MCHR2: variants seen among roughly 807,000 people sequenced by gnomAD.
MCHR2 encodes melanin concentrating hormone receptor 2, also known as melanin-concentrating hormone receptor 2.
In MCHR2, 15 loss-of-function variants were observed where a neutral mutation model predicts 24.8. That is an observed-to-expected ratio of 0.60 (90% CI 0.40 to 0.93). MCHR2 has a LOEUF of 0.93. Ranked by LOEUF, MCHR2 falls within the 40% of genes least tolerant of loss-of-function variation. The probability of loss-of-function intolerance (pLI) is 0.00; values close to 1 mark genes in which losing one functional copy is unlikely to be tolerated. For missense variants in MCHR2, 386 were observed against 408.7 expected (o/e 0.94, Z 0.48); for synonymous variants, 151 against 147.6 (o/e 1.02, Z -0.17).
At position 99,921,229 on chromosome 6, in the gene MCHR2, C is replaced by G. The variant is rs1774222347; in HGVS notation, c.734G>C (p.Arg245Thr). The G allele has an allele frequency of 6.2e-7, 1 of 1,613,902 alleles. No individual in the cohort carries two copies. The highest frequency in any genetic ancestry group is 1.3e-5 in the African/African-American group (1 of 75,028). ...RCCNPSVPKQ[R>T]VMKLTKMVLV... ...CACCATCTTTGTCAACTTCATCACT[C>G]TCTGTTTTGGTACACTGGGATTGCA... The change falls in exon 6 of 6, where the codon AGA (arginine) becomes ACA (threonine). Residue 245 changes from arginine (R) to threonine (T), a missense_variant. By Grantham distance (71) the Arg-to-Thr change is moderately conservative. Coordinates refer to ENST00000281806, the MANE Select transcript of MCHR2 (RefSeq NM_001040179.2).
rs1171948816 is a variant in MCHR2, at chr6:99,991,853, G to A, written c.-28+2083C>T. 8.0e-5 allele frequency among the ~76,000 whole-genome samples: 12 copies of A among 150,822 alleles called. No homozygotes were observed. The East Asian group carries it at 2.0e-3, about 25-fold the overall frequency. ...AAAAGAAAAAAGAAATGAGGCATGC[G>A]AACATTGCCTAAAACAGAGCAGGCT... On this transcript the variant is annotated intron_variant, in intron 1 of 5. Coordinates refer to ENST00000281806, the MANE Select transcript of MCHR2 (RefSeq NM_001040179.2).
intron 1 of MCHR2, among the ~76,000 whole-genome samples, chr6:99,986,220 A>T (rs780821065): frequency 6.6e-6 from 1 of 152,188 alleles, no homozygotes; most frequent in African/African-American, 2.4e-5. Context: ...TTACATTGTT[A>T]GTGGAAATGT....
intron 1 of MCHR2, among the ~76,000 whole-genome samples, chr6:99,993,024 A>T (rs1010077651): frequency 6.6e-6 from 1 of 152,078 alleles, no homozygotes; most frequent in African/African-American, 2.4e-5. Flanking sequence ...TTGCCTCCCC[A>T]TTTGCGCTGA....
chr6:99,950,600 AAATACT>A (rs1461043187), intron 2 of MCHR2, among the ~76,000 whole-genome samples: 1 of 152,154 alleles, frequency 6.6e-6, no homozygotes, highest in Non-Finnish European at 1.5e-5. Flanking sequence ...TCAGATGAGA[AAATACT>A]AATACTATTA....
chr6:99,941,439 A>G (rs546679364), intron 4 of MCHR2, among the ~76,000 whole-genome samples: 1 of 152,196 alleles, frequency 6.6e-6, no homozygotes, highest in East Asian at 1.9e-4. Flanking sequence ...CTGGAAGTGC[A>G]GTCCTATCTA....
chr6:99,992,143 G>A (rs1562139112), intron 1 of MCHR2, among the ~76,000 whole-genome samples: 1 of 152,300 alleles, frequency 6.6e-6, no homozygotes, highest in East Asian at 1.9e-4. Context: ...GAGGCATCCC[G>A]GCATCTTCAG....
intron 4 of MCHR2, among the ~76,000 whole-genome samples, chr6:99,936,396 C>T (rs1774661467): frequency 6.6e-6 from 1 of 151,830 alleles, no homozygotes; most frequent in Non-Finnish European, 1.5e-5. Flanking sequence ...AGGTATGGGT[C>T]TAGTTTCATT....
chr6:99,962,445 T>C (rs1012211823), intron 1 of MCHR2, among the ~76,000 whole-genome samples: 1 of 152,154 alleles, frequency 6.6e-6, no homozygotes, highest in African/African-American at 2.4e-5. Context: ...AAGGAAGGAC[T>C]AGCGTATGGT....
intron 1 of MCHR2, among the ~76,000 whole-genome samples, chr6:99,981,465 A>G (rs4840109): frequency 0.58 from 88,540 of 151,878 alleles, 25,939 homozygotes; most frequent in Non-Finnish European, 0.59. Flanking sequence ...TCTCTGTGGG[A>G]ATCTGGCCAA....
chr6:99,964,678 TA>T (rs1009964070), intron 1 of MCHR2, among the ~76,000 whole-genome samples: 5 of 152,052 alleles, frequency 3.3e-5, no homozygotes, highest in African/African-American at 1.2e-4. Flanking sequence ...ACATGGGGAT[TA>T]TGGAGATTAC....
chr6:99,988,575 A>C (rs921334824), intron 1 of MCHR2, among the ~76,000 whole-genome samples: 2 of 152,124 alleles, frequency 1.3e-5, no homozygotes, highest in Non-Finnish European at 2.9e-5. Flanking sequence ...AATAATCTCA[A>C]TTCATCCCCC....
intron 1 of MCHR2, among the ~76,000 whole-genome samples, chr6:99,978,620 G>A (rs1451368642): frequency 2.0e-5 from 3 of 151,858 alleles, no homozygotes; most frequent in African/African-American, 4.8e-5. Context: ...GGGTTTCACC[G>A]TGTTAGCCAG....
intron 1 of MCHR2, among the ~76,000 whole-genome samples, chr6:99,985,228 G>C (rs568320441): frequency 7.4e-6 from 1 of 135,606 alleles, no homozygotes; most frequent in South Asian, 2.1e-4. Context: ...GGAAGAACCA[G>C]TATCATCAAA....
chr6:99,983,728 TA>T (rs67301959), intron 1 of MCHR2, among the ~76,000 whole-genome samples: 48,753 of 152,032 alleles, frequency 0.32, 8,408 homozygotes, highest in East Asian at 0.55. Context: ...GCTCACTTGT[TA>T]TTAAAAAAGA....
chr6:99,927,918 T>G (rs1424091709), intron 5 of MCHR2, among the ~76,000 whole-genome samples: 1 of 152,160 alleles, frequency 6.6e-6, no homozygotes, highest in East Asian at 1.9e-4. Context: ...TTGTGCCAGT[T>G]TTCAAAGGGA....
intron 1 of MCHR2, among the ~76,000 whole-genome samples, chr6:99,982,641 G>GA: frequency 6.6e-6 from 1 of 151,782 alleles, no homozygotes; most frequent in Non-Finnish European, 1.5e-5. Flanking sequence ...CTACTCTCCA[G>GA]AAAAAAACCA....
At position 99,921,117 on chromosome 6, in the gene MCHR2, C is replaced by T. The variant is rs1562115017; in HGVS notation, c.846G>A (p.Leu282=). ...LVNLQMEQPT[L]AFYVGYYLSI... is the part of the protein sequence containing the mutation. ...AGAGGTAATAACCCACATAGAAGGC[C>T]AGTGTGGGCTGTTCCATCTGTAAGT... The change falls in exon 6 of 6, where the codon CTG becomes CTA. Residue 282 remains leucine (L), a synonymous_variant. Transcript: ENST00000281806. 6.2e-7 allele frequency: 1 copy of T among 1,614,140 alleles called. No individual in the cohort carries two copies. The highest frequency in any genetic ancestry group is 2.2e-5 in the East Asian group (1 of 44,872).
At chr6:99,940,614 G>T (rs1201731530) in intron 4 of MCHR2, among the ~76,000 whole-genome samples, 2 of 152,106 alleles carry the variant, frequency 1.3e-5, no homozygotes, top group Admixed American at 6.6e-5. Flanking sequence ...GTTTGCTGTT[G>T]CTTCTTATGG....
chr6:99,989,162 G>A (rs1220875634), intron 1 of MCHR2, among the ~76,000 whole-genome samples: 1 of 152,160 alleles, frequency 6.6e-6, no homozygotes, highest in Admixed American at 6.5e-5. Flanking sequence ...CCTACCAGAA[G>A]GATCATTTGA....
Sources: allele counts gnomAD v4.1 joint callset (sites outside exome capture counted in the v4.1 genomes callset), GRCh38; gene constraint gnomAD v4.1.1; transcripts MANE v1.5; gene names NCBI Gene and HGNC (gene_info 2026-07-23, HGNC 2026-07-21).